Variants in FSHR observed in about 807,000 individuals in gnomAD.
FSHR encodes follicle stimulating hormone receptor, also known as follicle-stimulating hormone receptor.
In FSHR, 46 loss-of-function variants were observed where a neutral mutation model predicts 52.1. The ratio of observed to expected loss-of-function variants is 0.88; its 90% CI spans 0.70 to 1.13. FSHR has a LOEUF of 1.13. FSHR is among the 50% of genes most tolerant of loss of function. The pLI is 0.00. For synonymous variants in FSHR, 399 were observed against 309.6 expected (o/e 1.29, Z -3.03); for missense variants, 964 against 834.6 (o/e 1.16, Z -1.91).
intron 1 of FSHR, among the ~76,000 whole-genome samples, chr2:49,092,952 C>A (rs1158666456): frequency 6.6e-6 from 1 of 152,224 alleles, no homozygotes; most frequent in Non-Finnish European, 1.5e-5. Flanking sequence ...AGGCATGAGC[C>A]ACCACACCCA....
At chr2:49,124,676 C>A (rs1335805530) in intron 1 of FSHR, among the ~76,000 whole-genome samples, 1 of 152,186 alleles carries the variant, frequency 6.6e-6, no homozygotes, top group South Asian at 2.1e-4. Flanking sequence ...CAGAATCCGA[C>A]CCCTTCTCAT....
chr2:49,129,047 G>GTT (rs61220657), intron 1 of FSHR, among the ~76,000 whole-genome samples: 1 of 143,592 alleles, frequency 7.0e-6, no homozygotes, highest in African/African-American at 2.5e-5. Context: ...CTGTTTTCTT[G>GTT]TTTTTTTTTT....
intron 2 of FSHR, among the ~76,000 whole-genome samples, chr2:49,022,023 A>G (rs886893568): frequency 8.6e-5 from 13 of 150,458 alleles, no homozygotes; most frequent in Non-Finnish European, 1.8e-4. Flanking sequence ...GGGGAAAGGG[A>G]TGGAAGAAGA....
At chr2:49,085,276 C>T (rs368117808) in intron 1 of FSHR, among the ~76,000 whole-genome samples, 1 of 152,204 alleles carries the variant, frequency 6.6e-6, no homozygotes, top group Non-Finnish European at 1.5e-5. Flanking sequence ...GCAGAAAAGG[C>T]CTTTGACAAA....
intron 2 of FSHR, among the ~76,000 whole-genome samples, chr2:49,052,752 G>C (rs35054867): frequency 4.6e-5 from 7 of 152,286 alleles, no homozygotes; most frequent in East Asian, 1.9e-4. Flanking sequence ...GGGACTCAAG[G>C]CTGCTTTGAC....
At chr2:49,076,020 C>A (rs763113729) in intron 1 of FSHR, among the ~76,000 whole-genome samples, 1 of 152,068 alleles carries the variant, frequency 6.6e-6, no homozygotes, top group African/African-American at 2.4e-5. Flanking sequence ...CATGAAGATA[C>A]AGAAAAGTGA....
At position 48,963,276 on chromosome 2, in the gene FSHR, G is replaced by T. The variant is rs775795358; in HGVS notation, c.1545C>A (p.Ser515Arg). 1 of 1,614,004 alleles carries T rather than the reference G, an allele frequency of 6.2e-7. No individual in the cohort carries two copies. The highest frequency in any genetic ancestry group is 1.3e-5 in the African/African-American group (1 of 74,922). Reference protein sequence around the residue: ...IFGISSYMKVSICLPMDIDSP... With the variant: ...IFGISSYMKVRICLPMDIDSP... The stretch of plus-strand genomic sequence containing the variant: ...TGTCAATATCCATGGGCAGGCAGAT[G>T]CTCACCTTCATGTAGCTGCTGATGC... Residue 515 changes from serine (S) to arginine (R), a missense_variant, in exon 10 of 10, where the codon AGC (serine) becomes AGA (arginine). Ser to Arg is a moderately radical substitution (Grantham distance 110). Coordinates refer to ENST00000406846, the MANE Select transcript of FSHR (RefSeq NM_000145.4).
At chr2:49,038,643 A>C (rs1272209282) in intron 2 of FSHR, among the ~76,000 whole-genome samples, 1 of 140,756 alleles carries the variant, frequency 7.1e-6, no homozygotes. Context: ...AATAATAATA[A>C]TAATAATAAT....
At chr2:49,090,089 G>T (rs1187298267) in intron 1 of FSHR, among the ~76,000 whole-genome samples, 1 of 151,936 alleles carries the variant, frequency 6.6e-6, no homozygotes, top group African/African-American at 2.4e-5. Context: ...AACAAAGCAA[G>T]TTTTTTCTTT....
chr2:49,000,480 A>T (rs1559120704), intron 4 of FSHR, among the ~76,000 whole-genome samples: 1 of 152,170 alleles, frequency 6.6e-6, no homozygotes, highest in Non-Finnish European at 1.5e-5. Flanking sequence ...CTCCGTGGCT[A>T]AGGCAGAGCT....
chr2:49,102,566 A>G (rs907246641), intron 1 of FSHR, among the ~76,000 whole-genome samples: 2 of 152,194 alleles, frequency 1.3e-5, no homozygotes, highest in East Asian at 1.9e-4. Context: ...AGGGTGGACC[A>G]GTACTGGGCA....
chr2:48,993,902 A>G (rs1391812370), intron 4 of FSHR, among the ~76,000 whole-genome samples: 7 of 152,148 alleles, frequency 4.6e-5, no homozygotes, highest in Admixed American at 2.0e-4. Context: ...AGCTCCATAT[A>G]TGCTAAACTA....
intron 4 of FSHR, among the ~76,000 whole-genome samples, chr2:48,990,902 A>G (rs1675742748): frequency 6.6e-6 from 1 of 151,090 alleles, no homozygotes; most frequent in African/African-American, 2.4e-5. Context: ...TAAAAAAAAA[A>G]CGATTGATAA....
chr2:49,072,366 A>G (rs1027359362), intron 1 of FSHR, among the ~76,000 whole-genome samples: 1 of 152,194 alleles, frequency 6.6e-6, no homozygotes, highest in Non-Finnish European at 1.5e-5. Context: ...CATTGGATAT[A>G]GGTAAATTGC....
At chr2:48,970,931 C>T (rs1674713766) in intron 8 of FSHR, among the ~76,000 whole-genome samples, 1 of 152,140 alleles carries the variant, frequency 6.6e-6, no homozygotes, top group Admixed American at 6.6e-5. Flanking sequence ...CAGCCTACTT[C>T]CCTCCTCTCC....
intron 1 of FSHR, among the ~76,000 whole-genome samples, chr2:49,071,557 CAAG>C (rs1398146645): frequency 1.3e-5 from 2 of 152,034 alleles, no homozygotes; most frequent in African/African-American, 4.8e-5. Flanking sequence ...GCACAAAACA[CAAG>C]AAGGAATAGT....
chr2:49,072,465 A>G (rs1295154184), intron 1 of FSHR, among the ~76,000 whole-genome samples: 1 of 152,214 alleles, frequency 6.6e-6, no homozygotes, highest in East Asian at 1.9e-4. Flanking sequence ...CAAGCTTCCA[A>G]TACAATAAAC....
At chr2:49,115,968 C>G (rs1004126701) in intron 1 of FSHR, among the ~76,000 whole-genome samples, 1 of 152,066 alleles carries the variant, frequency 6.6e-6, no homozygotes, top group Non-Finnish European at 1.5e-5. Context: ...GGAGGTGGCT[C>G]TATGGGGAAT....
intron 9 of FSHR, 54 bp from the exon 10 acceptor site, chr2:48,964,020 T>G: frequency 6.5e-7 from 1 of 1,532,250 alleles, no homozygotes; most frequent in Non-Finnish European, 9.0e-7. Context: ...GTATAGCAAA[T>G]ACATCACTGT....
Sources: gnomAD v4.1 joint callset for allele counts (sites outside exome capture counted in the v4.1 genomes callset) on GRCh38, gnomAD v4.1.1 for gene constraint, MANE v1.5 for transcripts, NCBI Gene and HGNC (gene_info 2026-07-23, HGNC 2026-07-21) for gene names.